The following GAPVD1 variants were observed in gnomAD, a reference collection of about 807,000 sequenced individuals.
The protein encoded by GAPVD1 is GTPase activating protein and VPS9 domains 1, also known as GTPase-activating protein and VPS9 domain-containing protein 1.
GAPVD1 carries 35 observed loss-of-function variants against 155.5 expected under a neutral mutation model. The ratio of observed to expected loss-of-function variants is 0.23; its 90% CI spans 0.17 to 0.30. The LOEUF is 0.30. GAPVD1 is among the 10% of genes least tolerant of loss of function. The pLI is 1.00. For missense variants in GAPVD1, 1,429 were observed against 1,775.7 expected (o/e 0.80, Z 3.51); for synonymous variants, 636 against 619.7 (o/e 1.03, Z -0.39).
chr9:125,281,204 T>G (rs1836736664), intron 2 of GAPVD1, among the ~76,000 whole-genome samples: 1 of 152,194 alleles, frequency 6.6e-6, no homozygotes, highest in Non-Finnish European at 1.5e-5. Flanking sequence ...ATAATTACAG[T>G]GTTCGAATAC....
chr9:125,298,734 C>T (rs913715054), intron 3 of GAPVD1, among the ~76,000 whole-genome samples, 156 bp from the exon 4 acceptor site: 11 of 151,828 alleles, frequency 7.2e-5, no homozygotes, highest in African/African-American at 1.5e-4. Flanking sequence ...GTAATCCGCC[C>T]GCCTTGGCCT....
At position 125,302,753 on chromosome 9, in the gene GAPVD1, T is replaced by C. The variant is rs767937930; in HGVS notation, c.956T>C (p.Val319Ala). Residue 319 changes from valine (V) to alanine (A), a missense_variant, in exon 5 of 28, where the codon GTT becomes GCT. Transcript: ENST00000297933. The stretch of plus-strand genomic sequence containing the variant: ...TTGGCCTGCTTCATTTGTCCTGCAG[T>C]TGTCAATCCAGAACAATATGGAATA... ...LLLACFICPA[V>A]VNPEQYGIIS... The C allele has an allele frequency of 2.5e-6, 4 of 1,613,982 alleles. No homozygotes were observed. The highest frequency in any genetic ancestry group is 3.4e-6 in the Non-Finnish European group (4 of 1,179,940).
chr9:125,350,817 C>T lies in GAPVD1; in HGVS notation c.3514C>T (p.Arg1172Cys), dbSNP rs138346167. Residue 1172 changes from arginine to cysteine, a missense_variant, in exon 23 of 28, where the codon CGT becomes TGT. This residue lies in a region of GAPVD1 where 699 missense variants were observed against 826.0 expected (regional missense o/e 0.85). Coordinates refer to ENST00000297933, the MANE Select transcript of GAPVD1 (RefSeq NM_001282680.3). ...QLQETMRCVC[R>C]FDNRTCRKLL... is the part of the protein sequence containing the mutation. ...TCAAGAAACAATGCGCTGTGTGTGC[C>T]GTTTTGATAATAGGACTTGTAGGAA... 606 of 1,613,508 alleles carry T rather than the reference C, an allele frequency of 3.8e-4. 3 individuals carry two copies. The East Asian group carries it at 6.9e-3, about 18-fold the overall frequency.
intron 23 of GAPVD1, among the ~76,000 whole-genome samples, chr9:125,352,087 G>T (rs1849370317): frequency 6.6e-6 from 1 of 152,184 alleles, no homozygotes; most frequent in African/African-American, 2.4e-5. Context: ...GCTTTGCAGG[G>T]TATAGCCACT....
intron 2 of GAPVD1, among the ~76,000 whole-genome samples, chr9:125,294,537 G>T (rs1323539236): frequency 6.7e-6 from 1 of 148,396 alleles, no homozygotes; most frequent in Non-Finnish European, 1.5e-5. Flanking sequence ...TAGTAGAGAC[G>T]GGGTTTCACC....
At position 125,363,082 on chromosome 9, in the gene GAPVD1, T is replaced by G. The variant is rs140621225; in HGVS notation, c.*336T>G. The G allele has an allele frequency of 3.7e-3, 591 of 157,656 alleles. 2 individuals carry two copies. Among genetic ancestry groups the G allele is most frequent in the Non-Finnish European group, 6.4e-3 (459 of 71,380 alleles). 9.8% of individuals were successfully genotyped at this position (157,656 alleles called of 1,614,324 possible). A position where few individuals can be genotyped will look rare whatever the true frequency, so the allele number is the denominator to read the frequency against. ...TCTAGACCTCCATTCTTGGATTCCCTTTCTTTCCTTTTATTTTAAAAAAGA... is the reference window on the plus strand; with the variant it reads ...TCTAGACCTCCATTCTTGGATTCCCGTTCTTTCCTTTTATTTTAAAAAAGA... On this transcript the variant is annotated 3_prime_UTR_variant, in exon 28 of 28. Coordinates refer to ENST00000297933, the MANE Select transcript of GAPVD1 (RefSeq NM_001282680.3).
chr9:125,304,852 T>C (rs1344090132), intron 5 of GAPVD1, among the ~76,000 whole-genome samples: 1 of 152,246 alleles, frequency 6.6e-6, no homozygotes. Context: ...CAAAAATTTA[T>C]ACTTTCTCTA....
intron 25 of GAPVD1, among the ~76,000 whole-genome samples, chr9:125,357,005 C>G (rs957451814): frequency 1.3e-5 from 2 of 152,086 alleles, no homozygotes; most frequent in Non-Finnish European, 2.9e-5. Context: ...CGAGGTCTTG[C>G]TGTGTTTCCG....
intron 23 of GAPVD1, among the ~76,000 whole-genome samples, chr9:125,352,687 C>T (rs1339242944): frequency 6.6e-6 from 1 of 152,244 alleles, no homozygotes; most frequent in Admixed American, 6.5e-5. Context: ...AATTAATATT[C>T]AGCTCCTCAT....
In GAPVD1 at chr9:125,332,056, G is replaced by T; in HGVS notation, c.2304G>T (p.Val768=). The change falls in exon 14 of 28, where the codon GTG becomes GTT. Residue 768 remains valine, a synonymous_variant. Coordinates refer to ENST00000297933, the MANE Select transcript of GAPVD1 (RefSeq NM_001282680.3). Reference sequence around the variant, plus strand: ...CCAGCACACCAGGCCTCAGTGTTGTGTCCGGTATGTCTGTCTTGTTTTAAG... The same window carrying T: ...CCAGCACACCAGGCCTCAGTGTTGTTTCCGGTATGTCTGTCTTGTTTTAAG... ...SRPSTPGLSV[V]SGISATSEDI... 1 of 1,614,042 alleles carries T rather than the reference G, an allele frequency of 6.2e-7. No individual in the cohort carries two copies. Among genetic ancestry groups the T allele is most frequent in the Non-Finnish European group, 8.5e-7 (1 of 1,179,940 alleles).
At chr9:125,283,026 ATT>A (rs1162821538) in intron 2 of GAPVD1, among the ~76,000 whole-genome samples, 4 of 138,034 alleles carry the variant, frequency 2.9e-5, no homozygotes, top group South Asian at 2.3e-4. Flanking sequence ...GTTTATTTTT[ATT>A]TTTATTTATT....
chr9:125,350,960 G>C (rs1271700697), intron 23 of GAPVD1, 88 bp downstream of exon 23: 1 of 1,061,058 alleles, frequency 9.4e-7, no homozygotes, highest in Non-Finnish European at 1.4e-6. Context: ...ATGAATCTAG[G>C]CTTCCTACAA....
At chr9:125,284,246 G>A (rs191339948) in intron 2 of GAPVD1, among the ~76,000 whole-genome samples, 12 of 144,884 alleles carry the variant, frequency 8.3e-5, no homozygotes, top group Non-Finnish European at 1.6e-4. Context: ...GTGCAGTGGT[G>A]CGATCTCAGC....
chr9:125,288,589 G>T (rs1838100069), intron 2 of GAPVD1, among the ~76,000 whole-genome samples: 2 of 151,862 alleles, frequency 1.3e-5, no homozygotes, highest in South Asian at 2.1e-4. Flanking sequence ...GTTCCCCAGG[G>T]TGGTCTTGAA....
chr9:125,316,569 T>G (rs1167909254), intron 9 of GAPVD1, among the ~76,000 whole-genome samples: 1 of 152,238 alleles, frequency 6.6e-6, no homozygotes, highest in African/African-American at 2.4e-5. Flanking sequence ...GGACATGAAC[T>G]AATCCTTTTT....
chr9:125,313,617 T>C (rs1225274473), intron 9 of GAPVD1, among the ~76,000 whole-genome samples: 2 of 152,172 alleles, frequency 1.3e-5, no homozygotes, highest in South Asian at 4.1e-4. Flanking sequence ...TTTTCTTTTT[T>C]TTTGACATGG....
At chr9:125,339,788 T>C (rs1283795912) in intron 17 of GAPVD1, among the ~76,000 whole-genome samples, 1 of 152,232 alleles carries the variant, frequency 6.6e-6, no homozygotes, top group Middle Eastern at 3.2e-3. Flanking sequence ...AAATCTACTT[T>C]CACTATTCTT....
intron 27 of GAPVD1, 76 bp downstream of exon 27, chr9:125,360,801 A>G: frequency 9.4e-7 from 1 of 1,063,004 alleles, no homozygotes; most frequent in South Asian, 1.3e-5. Context: ...ACACAACCAT[A>G]GATATCTTGG....
chr9:125,266,058 G>A (rs1040872433), intron 1 of GAPVD1, among the ~76,000 whole-genome samples: 1 of 150,768 alleles, frequency 6.6e-6, no homozygotes, highest in African/African-American at 2.4e-5. Context: ...GAAGATAGGC[G>A]TACTCTATAA....
Sources: allele counts gnomAD v4.1 joint callset (sites outside exome capture counted in the v4.1 genomes callset), GRCh38; gene constraint gnomAD v4.1.1; regional missense constraint gnomAD v4.1.1; transcripts MANE v1.5; gene names NCBI Gene and HGNC (gene_info 2026-07-23, HGNC 2026-07-21).